Variants in SLC6A15 observed in about 807,000 individuals in gnomAD.
SLC6A15 encodes the protein solute carrier family 6 member 15.
Under a neutral mutation model 68.5 loss-of-function variants are expected in SLC6A15, and 33 were observed. That is an observed-to-expected ratio of 0.48 (90% confidence interval 0.37 to 0.64). The LOEUF (loss-of-function observed/expected upper bound fraction) is 0.64, where lower values mean the gene tolerates loss of function less well. SLC6A15 is among the 30% of genes least tolerant of loss of function. SLC6A15 has a pLI of 0.00. For missense variants in SLC6A15, 747 were observed against 874.3 expected (o/e 0.85, Z 1.84); for synonymous variants, 347 against 301.0 (o/e 1.15, Z -1.58).
Position 84,867,161 on chromosome 12 carries a change from G to C in SLC6A15, c.1528C>G (p.Leu510Val), listed in dbSNP as rs1459220479. ...TTTCCAGAGCGTTGCACAAATATCA[G>C]GCCAATACAAAATGCCAGAAGACAA... is the stretch of plus-strand genomic sequence containing the variant. ...ICCLLAFCIG[L>V]IFVQRSGNYF... Residue 510 changes from leucine (L) to valine (V), a missense_variant, in exon 10 of 12, where the codon CTG (leucine) becomes GTG (valine). By Grantham distance (32) the Leu-to-Val change is conservative. Transcript: ENST00000266682. 1 of 1,606,182 alleles carries C rather than the reference G, an allele frequency of 6.2e-7. No individual in the cohort carries two copies. The highest frequency in any genetic ancestry group is 8.5e-7 in the Non-Finnish European group (1 of 1,176,742).
At chr12:84,868,136 T>C (rs1472931600) in intron 9 of SLC6A15, among the ~76,000 whole-genome samples, 3 of 152,158 alleles carry the variant, frequency 2.0e-5, no homozygotes, top group Admixed American at 6.5e-5. Flanking sequence ...TCAGCAAGTA[T>C]GTGTGACATG....
At chr12:84,875,691 TATATATATG>T (rs1371207360) in intron 6 of SLC6A15, among the ~76,000 whole-genome samples, 3,240 of 6,244 alleles carry the variant, frequency 0.52, 514 homozygotes, top group South Asian at 0.6. Flanking sequence ...TATATATATA[TATATATATG>T]AGAATCAAAA....
At chr12:84,900,746 G>A (rs1165842915) in intron 1 of SLC6A15, among the ~76,000 whole-genome samples, 10 of 150,968 alleles carry the variant, frequency 6.6e-5, no homozygotes, top group Admixed American at 6.6e-4. Flanking sequence ...CACATTCGTT[G>A]CTTTTCTATC....
At chr12:84,883,253 A>T (rs1268981953) in intron 5 of SLC6A15, 2 of 985,278 alleles carry the variant, frequency 2.0e-6, no homozygotes, top group East Asian at 1.1e-4. Flanking sequence ...CCTAGAATTC[A>T]CTTAATGTCT....
In SLC6A15 at chr12:84,876,651, T is replaced by C. The variant is rs774776796; in HGVS notation, c.757-44A>G. 1.0e-5 allele frequency: 9 copies of C among 885,584 alleles called. No individual in the cohort carries two copies. In the Admixed American group the frequency reaches 2.0e-4, roughly 20 times the overall value. The allele number at this position is 885,584 out of a possible 1,614,324, so 54.9% of individuals were successfully genotyped here. On this transcript the variant is annotated intron_variant, in intron 5 of 11. Transcript: ENST00000266682. ...AAAAATAAGTGAGATACAATGACCA[T>C]TTTTTTATAGATAAGATTTTATATG...
Position 84,867,056 on chromosome 12 carries a change from A to G in SLC6A15, c.1633T>C (p.Cys545Arg). 6.2e-7 allele frequency: 1 copy of G among 1,606,944 alleles called. No homozygotes were observed. Among genetic ancestry groups the G allele is most frequent in the Non-Finnish European group, 8.5e-7 (1 of 1,177,258 alleles). ...IVVILENIAV[C>R]FVYGIDKFME... ...TACTTATCTATGCCATAAACAAAGC[A>G]TACAGCAATATTCTCCAAAATGACT... Residue 545 changes from cysteine (C) to arginine (R), a missense_variant, in exon 10 of 12, where the codon TGC becomes CGC. By Grantham distance (180) the Cys-to-Arg change is radical. Transcript: ENST00000266682.
Position 84,892,142 on chromosome 12 carries a change from A to T in SLC6A15, c.-22T>A, listed in dbSNP as rs779706537. On this transcript the variant is annotated 5_prime_UTR_variant, in exon 2 of 12. Coordinates refer to ENST00000266682, the MANE Select transcript of SLC6A15 (RefSeq NM_182767.6). ...GCATTGGAGAGTATGCGAAGTATTTAAAAAAAAAAAAAAAAACTCCCTTAT... is the reference window on the plus strand; with the variant it reads ...GCATTGGAGAGTATGCGAAGTATTTTAAAAAAAAAAAAAAAACTCCCTTAT... The T allele has an allele frequency of 1.5e-3, 680 of 441,032 alleles. No individual in the cohort carries two copies. In the African/African-American group the frequency reaches 0.039, roughly 25 times the overall value. The allele number at this position is 441,032 out of a possible 1,614,324, so 27.3% of individuals were successfully genotyped here.
At chr12:84,882,925 G>A (rs1451802107) in intron 5 of SLC6A15, 2 of 737,130 alleles carry the variant, frequency 2.7e-6, no homozygotes, top group Admixed American at 1.3e-4. Context: ...TATTATTATT[G>A]TTATTATGAC....
Position 84,893,413 on chromosome 12 carries a change from AT to A in SLC6A15, c.-188-1106del, listed in dbSNP as rs925079332. On this transcript the variant is annotated intron_variant, in intron 1 of 11. Coordinates refer to ENST00000266682, the MANE Select transcript of SLC6A15 (RefSeq NM_182767.6). ...GGAAAAACACTGTAATCCCTTTGGG[AT>A]TTTTTTTTTCCTTTCTTTATTTGTA... Among the ~76,000 whole-genome samples, 276 of 150,744 alleles carry A rather than the reference AT, an allele frequency of 1.8e-3. 1 individual carries two copies. The highest frequency in any genetic ancestry group is 5.7e-3 in the African/African-American group (233 of 41,130).
intron 1 of SLC6A15, among the ~76,000 whole-genome samples, chr12:84,907,282 A>T (rs150409475): frequency 0.022 from 3,388 of 152,082 alleles, 128 homozygotes; most frequent in African/African-American, 0.078. Context: ...AGGGAGGCAG[A>T]GCTTGCAGTG....
intron 1 of SLC6A15, among the ~76,000 whole-genome samples, chr12:84,904,348 A>T (rs139233779): frequency 6.6e-6 from 1 of 152,226 alleles, no homozygotes; most frequent in African/African-American, 2.4e-5. Flanking sequence ...TAACACACCA[A>T]TTAGAGCAAA....
chr12:84,870,764 TA>T, intron 8 of SLC6A15, 94 bp from the exon 9 acceptor site: 2 of 712,034 alleles, frequency 2.8e-6, no homozygotes, highest in South Asian at 5.4e-5. Flanking sequence ...GATCTCTGAA[TA>T]ATGGCCAGGA....
chr12:84,869,332 C>G (rs188321635), intron 9 of SLC6A15, among the ~76,000 whole-genome samples: 101 of 151,914 alleles, frequency 6.6e-4, no homozygotes, highest in Middle Eastern at 3.4e-3. Context: ...CGTGTTGGCA[C>G]GCGCCTGTAG....
At chr12:84,867,938 T>A (rs1871129177) in intron 9 of SLC6A15, 1 of 152,184 alleles carries the variant, frequency 6.6e-6, no homozygotes, top group Non-Finnish European at 1.5e-5. Flanking sequence ...AATATTCCCA[T>A]ATTTTTGTTA....
intron 1 of SLC6A15, among the ~76,000 whole-genome samples, chr12:84,902,546 C>A (rs887691432): frequency 1.3e-5 from 2 of 151,736 alleles, no homozygotes; most frequent in African/African-American, 4.8e-5. Context: ...AACTTGTACA[C>A]AAATGTCCAT....
At chr12:84,873,358 C>A in intron 6 of SLC6A15, 30 bp from the exon 7 acceptor site, 1 of 1,603,026 alleles carries the variant, frequency 6.2e-7, no homozygotes, top group South Asian at 1.1e-5. Context: ...ATAGAATCAG[C>A]TACAAAATAA....
intron 8 of SLC6A15, 63 bp downstream of exon 8, chr12:84,872,539 G>T: frequency 7.1e-7 from 1 of 1,403,476 alleles, no homozygotes; most frequent in South Asian, 1.3e-5. Flanking sequence ...AAGGGAGTCT[G>T]CTGGATAATG....
chr12:84,904,415 A>C (rs371891248), intron 1 of SLC6A15, among the ~76,000 whole-genome samples: 8 of 152,196 alleles, frequency 5.3e-5, no homozygotes, highest in African/African-American at 1.7e-4. Context: ...AAAAGTCATT[A>C]TTTTAAGACA....
At chr12:84,866,898 G>A (rs1871088862) in intron 10 of SLC6A15, 136 bp downstream of exon 10, 1 of 671,160 alleles carries the variant, frequency 1.5e-6, no homozygotes, top group African/African-American at 1.9e-5. Context: ...ATCAGTGAGA[G>A]CCTGCAAAAG....
Sources: gnomAD v4.1 joint callset for allele counts (sites outside exome capture counted in the v4.1 genomes callset) on GRCh38, gnomAD v4.1.1 for gene constraint, MANE v1.5 for transcripts, NCBI Gene and HGNC (gene_info 2026-07-23, HGNC 2026-07-21) for gene names.